FARP2: variants seen among roughly 807,000 people sequenced by gnomAD.
FARP2 encodes the protein FERM, ARHGEF and pleckstrin domain-containing protein 2.
Under a neutral mutation model 130.5 loss-of-function variants are expected in FARP2, and 111 were observed. The ratio of observed to expected loss-of-function variants is 0.85; its 90% CI spans 0.73 to 1.00. FARP2 has a LOEUF of 1.00. Ranked by LOEUF, FARP2 falls within the 50% of genes least tolerant of loss-of-function variation. The pLI is 0.00. For synonymous variants in FARP2, 504 were observed against 516.9 expected (o/e 0.98, Z 0.34); for missense variants, 1,385 against 1,346.3 (o/e 1.03, Z -0.45).
At chr2:241,412,004 G>C (rs2062530981) in intron 6 of FARP2, among the ~76,000 whole-genome samples, 1 of 152,196 alleles carries the variant, frequency 6.6e-6, no homozygotes, top group Non-Finnish European at 1.5e-5. Context: ...ATGTATGACT[G>C]AACCAGATCT....
intron 19 of FARP2, among the ~76,000 whole-genome samples, chr2:241,477,261 C>T (rs935461252): frequency 7.2e-5 from 11 of 151,932 alleles, no homozygotes; most frequent in African/African-American, 2.7e-4. Context: ...TCCCAAGTAG[C>T]TGGGACTACA....
Position 241,395,417 on chromosome 2 carries a change from G to GT in FARP2, c.184-8405dup, listed in dbSNP as rs2062006537. On this transcript the variant is annotated intron_variant, in intron 2 of 26. Transcript: ENST00000264042. ...ACATTTAGCTATTCAAATTAAATCT[G>GT]TTTTTTCTATTTTGGTCTTCTTTAG... 2.0e-5 allele frequency: 3 copies of GT among 152,108 alleles called. No homozygotes were observed. In the South Asian group the frequency reaches 6.2e-4, roughly 32 times the overall value. 9.4% of individuals were successfully genotyped at this position (152,108 alleles called of 1,614,324 possible). A position where few individuals can be genotyped will look rare whatever the true frequency, so the allele number is the denominator to read the frequency against.
At chr2:241,410,533 C>T (rs762587745) in intron 5 of FARP2, among the ~76,000 whole-genome samples, 4 of 151,168 alleles carry the variant, frequency 2.6e-5, no homozygotes, top group Admixed American at 6.6e-5. Flanking sequence ...CGGGTTCAGG[C>T]GATTCTCCTG....
intron 7 of FARP2, among the ~76,000 whole-genome samples, chr2:241,417,059 G>C: frequency 6.6e-6 from 1 of 152,152 alleles, no homozygotes; most frequent in East Asian, 1.9e-4. Flanking sequence ...CCAGCACTTT[G>C]AGAAGCCAAG....
intron 2 of FARP2, among the ~76,000 whole-genome samples, chr2:241,395,023 G>C (rs2061995699): frequency 6.6e-6 from 1 of 152,214 alleles, no homozygotes; most frequent in African/African-American, 2.4e-5. Flanking sequence ...ATGGTGCTCA[G>C]CGGCTTTCCT....
chr2:241,422,520 C>T (rs2062837530), intron 8 of FARP2, among the ~76,000 whole-genome samples: 1 of 152,012 alleles, frequency 6.6e-6, no homozygotes, highest in Non-Finnish European at 1.5e-5. Flanking sequence ...AGAAAATCAA[C>T]ACAAAAATGC....
intron 13 of FARP2, among the ~76,000 whole-genome samples, chr2:241,449,360 TCA>T (rs1456939922): frequency 1.3e-5 from 2 of 151,984 alleles, no homozygotes; most frequent in African/African-American, 2.4e-5. Flanking sequence ...TCATTGAGCC[TCA>T]GTTTCCTGTA....
intron 4 of FARP2, among the ~76,000 whole-genome samples, chr2:241,405,740 C>T (rs985120667): frequency 6.6e-6 from 1 of 152,098 alleles, no homozygotes; most frequent in African/African-American, 2.4e-5. Flanking sequence ...TCGAGACCAG[C>T]CTCGCCAACA....
At chr2:241,455,735 CTTTTTT>C (rs1180839402) in intron 13 of FARP2, among the ~76,000 whole-genome samples, 39 of 94,780 alleles carry the variant, frequency 4.1e-4, no homozygotes, top group African/African-American at 1.4e-3. Context: ...CTAAAGTTTT[CTTTTTT>C]TTTTTTTTTT....
intron 2 of FARP2, among the ~76,000 whole-genome samples, chr2:241,382,483 A>G (rs10206261): frequency 0.19 from 28,775 of 151,750 alleles, 3,032 homozygotes; most frequent in Middle Eastern, 0.35. Context: ...GGGTTTCCCC[A>G]TGTTGCCTAG....
At chr2:241,471,356 GA>G (rs975904531) in intron 18 of FARP2, 2 of 151,920 alleles carry the variant, frequency 1.3e-5, no homozygotes, top group African/African-American at 4.9e-5. Context: ...GTTTTGTGGG[GA>G]TCCTGTTCTG....
Position 241,370,715 on chromosome 2 carries a change from GTGT to G in FARP2, c.-24-2364_-24-2362del, listed in dbSNP as rs562398273. Reference sequence around the variant, plus strand: ...TTGCAAAAACGGTAATTTTGTTAAAGTGTTGTTCTGTTTGTGGTTGTAGTCTTT... The same window carrying G: ...TTGCAAAAACGGTAATTTTGTTAAAGTGTTCTGTTTGTGGTTGTAGTCTTT... On this transcript the variant is annotated intron_variant, in intron 1 of 26. Transcript: ENST00000264042. Among the ~76,000 whole-genome samples the G allele has an allele frequency of 3.3e-5, 5 of 152,314 alleles. No individual in the cohort carries two copies. In the South Asian group the frequency reaches 8.3e-4, roughly 25 times the overall value.
intron 1 of FARP2, among the ~76,000 whole-genome samples, chr2:241,371,221 G>A (rs994766003): frequency 4.6e-5 from 7 of 152,142 alleles, no homozygotes; most frequent in Admixed American, 2.0e-4. Context: ...GTGGTGGCTC[G>A]CCTGTAATCC....
rs185297478 is a variant in FARP2 at position 241,452,856 on chromosome 2, G to A, written c.1412-3891G>A. Among the ~76,000 whole-genome samples, 5 of 151,258 alleles carry A rather than the reference G, an allele frequency of 3.3e-5. No homozygotes were observed. In the South Asian group the frequency reaches 6.3e-4, roughly 19 times the overall value. ...CTCGGGAGGCTGAGGCACGAGAATC[G>A]CTTGAACCCAGGAGGCAGAGATTGC... On this transcript the variant is annotated intron_variant, in intron 13 of 26. Coordinates refer to ENST00000264042, the MANE Select transcript of FARP2 (RefSeq NM_014808.4).
chr2:241,407,391 C>T, intron 4 of FARP2, 146 bp from the exon 5 acceptor site: 1 of 630,804 alleles, frequency 1.6e-6, no homozygotes, highest in Admixed American at 2.7e-5. Flanking sequence ...CACACCTGGG[C>T]AGAAATTTCT....
At chr2:241,481,204 A>G (rs991388572) in intron 19 of FARP2, among the ~76,000 whole-genome samples, 1 of 152,138 alleles carries the variant, frequency 6.6e-6, no homozygotes, top group African/African-American at 2.4e-5. Flanking sequence ...ACTCCAGCCT[A>G]GGCAACAGAG....
At chr2:241,463,276 A>C in intron 15 of FARP2, 59 bp from the exon 16 acceptor site, 1 of 1,581,130 alleles carries the variant, frequency 6.3e-7, no homozygotes. Context: ...CCTCAGGGGC[A>C]CAGTTTCTCA....
chr2:241,474,661 G>C (rs1265017182), intron 18 of FARP2, among the ~76,000 whole-genome samples: 1 of 151,688 alleles, frequency 6.6e-6, no homozygotes, highest in Non-Finnish European at 1.5e-5. Flanking sequence ...GCGTTGTGGC[G>C]GGCATCTGTA....
intron 13 of FARP2, among the ~76,000 whole-genome samples, chr2:241,455,940 C>T (rs77277602): frequency 0.026 from 3,942 of 151,836 alleles, 397 homozygotes; most frequent in Admixed American, 0.18. Flanking sequence ...GGGGTTTCAC[C>T]GTGTTAGCGA....
Sources: gnomAD v4.1 joint callset for allele counts (sites outside exome capture counted in the v4.1 genomes callset) on GRCh38, gnomAD v4.1.1 for gene constraint, MANE v1.5 for transcripts, NCBI Gene and HGNC (gene_info 2026-07-23, HGNC 2026-07-21) for gene names.